SPOCK3: variants seen among roughly 807,000 people sequenced by gnomAD.
The protein encoded by SPOCK3 is testican-3.
SPOCK3 carries 30 observed loss-of-function variants against 56.6 expected under a neutral mutation model. That is an observed-to-expected ratio of 0.53 (90% CI 0.40 to 0.72). The LOEUF (loss-of-function observed/expected upper bound fraction) is 0.72, where lower values mean the gene tolerates loss of function less well. Among genes scored for constraint, SPOCK3 ranks in the 30% least tolerant of loss-of-function variants. SPOCK3 has a pLI of 0.00. For synonymous variants in SPOCK3, 196 were observed against 183.3 expected (o/e 1.07, Z -0.56); for missense variants, 527 against 530.0 (o/e 0.99, Z 0.06).
chr4:167,112,848 TA>T (rs1554038270), intron 2 of SPOCK3, among the ~76,000 whole-genome samples: 1 of 149,596 alleles, frequency 6.7e-6, no homozygotes, highest in Non-Finnish European at 1.5e-5. Flanking sequence ...TGCTCTTTTT[TA>T]AAAAAAAAAA....
chr4:167,014,799 A>AC (rs1486815601), intron 3 of SPOCK3, among the ~76,000 whole-genome samples: 1 of 152,026 alleles, frequency 6.6e-6, no homozygotes, highest in Non-Finnish European at 1.5e-5. Context: ...ACAAATGGTC[A>AC]GGGTGGGGCT....
intron 2 of SPOCK3, among the ~76,000 whole-genome samples, chr4:167,104,289 C>A (rs1759908181): frequency 6.6e-6 from 1 of 152,060 alleles, no homozygotes; most frequent in South Asian, 2.1e-4. Flanking sequence ...ACATTTCTGA[C>A]AGAGAAATCA....
intron 2 of SPOCK3, among the ~76,000 whole-genome samples, chr4:167,066,496 A>T (rs2150255642): frequency 6.6e-6 from 1 of 152,062 alleles, no homozygotes; most frequent in East Asian, 1.9e-4. Context: ...CTTACAACAA[A>T]GTACTGCTAC....
intron 6 of SPOCK3, among the ~76,000 whole-genome samples, chr4:166,866,945 C>T (rs190091618): frequency 9.2e-5 from 14 of 152,106 alleles, no homozygotes; most frequent in Admixed American, 7.2e-4. Flanking sequence ...AATTATTTAT[C>T]GTACACAAAA....
intron 2 of SPOCK3, among the ~76,000 whole-genome samples, chr4:167,081,082 T>C (rs1447359778): frequency 6.6e-6 from 1 of 151,898 alleles, no homozygotes; most frequent in African/African-American, 2.4e-5. Flanking sequence ...TCTTTGAAGC[T>C]CACCTGATAA....
chr4:166,997,947 G>T (rs79289356), intron 4 of SPOCK3, among the ~76,000 whole-genome samples: 2 of 152,014 alleles, frequency 1.3e-5, no homozygotes, highest in African/African-American at 4.8e-5. Context: ...CAATTAAGCC[G>T]TCTTTCCCTG....
intron 2 of SPOCK3, among the ~76,000 whole-genome samples, chr4:167,115,830 G>A (rs900707980): frequency 6.6e-6 from 1 of 152,012 alleles, no homozygotes; most frequent in Admixed American, 6.6e-5. Context: ...CATCTTTAAA[G>A]TCCTGAACGA....
chr4:166,975,867 C>T (rs1745889399), intron 4 of SPOCK3, among the ~76,000 whole-genome samples: 1 of 152,084 alleles, frequency 6.6e-6, no homozygotes, highest in African/African-American at 2.4e-5. Flanking sequence ...TTATGGCTTA[C>T]TAGTACTCTA....
chr4:166,879,119 G>T (rs1354630707), intron 6 of SPOCK3, among the ~76,000 whole-genome samples: 1 of 152,076 alleles, frequency 6.6e-6, no homozygotes, highest in South Asian at 2.1e-4. Context: ...AAATATATAT[G>T]CAGAGTGTAG....
intron 2 of SPOCK3, among the ~76,000 whole-genome samples, chr4:167,085,359 C>A (rs1424684748): frequency 6.6e-6 from 1 of 151,974 alleles, no homozygotes; most frequent in Non-Finnish European, 1.5e-5. Context: ...CTGGCAGGTG[C>A]CCAGAAAGGT....
intron 6 of SPOCK3, among the ~76,000 whole-genome samples, chr4:166,798,201 G>T (rs1014233411): frequency 2.0e-5 from 3 of 152,150 alleles, no homozygotes; most frequent in African/African-American, 7.2e-5. Flanking sequence ...CAGTACTTTA[G>T]AGTGTAATCC....
chr4:167,050,050 A>C (rs1754056598), intron 3 of SPOCK3, among the ~76,000 whole-genome samples: 1 of 152,184 alleles, frequency 6.6e-6, no homozygotes, highest in Non-Finnish European at 1.5e-5. Context: ...TGTCTTCTAT[A>C]AAATACTTGA....
chr4:166,765,208 A>G (rs1737836803), intron 7 of SPOCK3, among the ~76,000 whole-genome samples: 1 of 152,160 alleles, frequency 6.6e-6, no homozygotes, highest in Non-Finnish European at 1.5e-5. Flanking sequence ...CCATTTGTCT[A>G]TTCTGGCTTT....
intron 5 of SPOCK3, among the ~76,000 whole-genome samples, chr4:166,899,508 C>CTTTTTTTTTTTTTTTT (rs781766258): frequency 8.4e-6 from 1 of 119,098 alleles, no homozygotes; most frequent in Non-Finnish European, 1.7e-5. Context: ...TTCTTTCTTT[C>CTTTTTTTTTTTTTTTT]TTTTTTTTTT....
intron 6 of SPOCK3, among the ~76,000 whole-genome samples, chr4:166,831,564 C>T (rs1170763005): frequency 6.6e-6 from 1 of 151,958 alleles, no homozygotes; most frequent in East Asian, 1.9e-4. Context: ...TTTCATTTAA[C>T]ATATCAAATT....
chr4:167,085,131 A>T (rs1472456843), intron 2 of SPOCK3, among the ~76,000 whole-genome samples: 1 of 151,934 alleles, frequency 6.6e-6, no homozygotes, highest in East Asian at 1.9e-4. Flanking sequence ...CAAAGGAAGT[A>T]ATAACCCCAG....
intron 10 of SPOCK3, among the ~76,000 whole-genome samples, chr4:166,735,589 TTAAAA>T (rs1734136299): frequency 6.6e-6 from 1 of 151,814 alleles, no homozygotes; most frequent in Non-Finnish European, 1.5e-5. Flanking sequence ...ACTTAGGTTC[TTAAAA>T]TAAAAAAAAA....
At chr4:166,770,799 C>T (rs4859980) in intron 7 of SPOCK3, among the ~76,000 whole-genome samples, 52,530 of 151,698 alleles carry the variant, frequency 0.35, 9,182 homozygotes, top group Admixed American at 0.42. Flanking sequence ...TATAAAGATA[C>T]AGACTGGTTA....
chr4:166,851,373 T>C (rs544290421), intron 6 of SPOCK3, among the ~76,000 whole-genome samples: 37 of 152,238 alleles, frequency 2.4e-4, no homozygotes, highest in African/African-American at 7.9e-4. Flanking sequence ...GGGGAAAAGA[T>C]AGAGCAGAAA....
Sources: gnomAD v4.1 joint callset for allele counts (sites outside exome capture counted in the v4.1 genomes callset) on GRCh38, gnomAD v4.1.1 for gene constraint, MANE v1.5 for transcripts, NCBI Gene and HGNC (gene_info 2026-07-23, HGNC 2026-07-21) for gene names.